Variants in CERKL observed in about 807,000 individuals in gnomAD.
CERKL encodes CERK like autophagy regulator.
CERKL carries 61 observed loss-of-function variants against 63.4 expected under a neutral mutation model. The observed-to-expected ratio is 0.96, with a 90% CI of 0.78 to 1.19. The LOEUF is 1.19. Among genes scored for constraint, CERKL ranks in the 50% most tolerant of loss-of-function variants. The pLI is 0.00. For synonymous variants in CERKL, 250 were observed against 230.5 expected (o/e 1.08, Z -0.77); for missense variants, 675 against 655.5 (o/e 1.03, Z -0.33).
intron 4 of CERKL, among the ~76,000 whole-genome samples, chr2:181,563,377 C>T (rs1688526430): frequency 6.6e-6 from 1 of 152,088 alleles, no homozygotes; most frequent in Non-Finnish European, 1.5e-5. Context: ...AATAGCATTT[C>T]TTAAACATTA....
chr2:181,642,901 C>G (rs1436933615), intron 1 of CERKL, among the ~76,000 whole-genome samples: 1 of 152,194 alleles, frequency 6.6e-6, no homozygotes, highest in African/African-American at 2.4e-5. Flanking sequence ...TCAACCAATT[C>G]TTTTCCTCCA....
At chr2:181,595,471 T>A (rs563707507) in intron 2 of CERKL, among the ~76,000 whole-genome samples, 91 of 152,314 alleles carry the variant, frequency 6.0e-4, no homozygotes, top group African/African-American at 2.1e-3. Flanking sequence ...CTAGCAGGTG[T>A]ATGAAGTCCT....
At chr2:181,564,241 T>G (rs1688569329) in intron 4 of CERKL, among the ~76,000 whole-genome samples, 1 of 152,180 alleles carries the variant, frequency 6.6e-6, no homozygotes, top group South Asian at 2.1e-4. Flanking sequence ...AAAAGGCCAC[T>G]GACTGATATT....
At chr2:181,611,891 C>A (rs1685983116) in intron 1 of CERKL, among the ~76,000 whole-genome samples, 1 of 152,116 alleles carries the variant, frequency 6.6e-6, no homozygotes. Flanking sequence ...GAAAATATTT[C>A]TGTGATCGAT....
chr2:181,587,974 G>C (rs1313165182), intron 2 of CERKL, among the ~76,000 whole-genome samples: 1 of 152,050 alleles, frequency 6.6e-6, no homozygotes, highest in Non-Finnish European at 1.5e-5. Context: ...AGACCAATTA[G>C]AGAGTTTAAA....
chr2:181,568,448 G>A (rs2105837428), intron 3 of CERKL, among the ~76,000 whole-genome samples: 1 of 152,150 alleles, frequency 6.6e-6, no homozygotes, highest in East Asian at 1.9e-4. Flanking sequence ...CCACTCCATG[G>A]CCAAGGCCAG....
chr2:181,641,346 CATAT>C (rs1299406156), intron 1 of CERKL, among the ~76,000 whole-genome samples: 1 of 11,056 alleles, frequency 9.0e-5, no homozygotes, highest in African/African-American at 2.3e-4. Context: ...TATATATATA[CATAT>C]ATATACACAT....
At position 181,558,399 on chromosome 2, in the gene CERKL, G is replaced by GAGAT. The variant is rs1688298108; in HGVS notation, c.820+163_820+166dup. Among the ~76,000 whole-genome samples the GAGAT allele has an allele frequency of 6.6e-6, 1 of 152,120 alleles. No individual in the cohort carries two copies. Among genetic ancestry groups the GAGAT allele is most frequent in the Admixed American group, 6.6e-5 (1 of 15,262 alleles). ...ATAGATTAGAAAAATAAGGCTCAAA[G>GAGAT]AGATTAAATGACTTGTCAAAAGTCT... is the stretch of plus-strand genomic sequence containing the variant. On this transcript the variant is annotated intron_variant, in intron 5 of 12. Transcript: ENST00000410087. This position sits in a 1 kb window ranked among gnomAD's most constrained non-coding sequence, Gnocchi z 4.2.
At chr2:181,606,772 C>T (rs1685736551) in intron 1 of CERKL, among the ~76,000 whole-genome samples, 1 of 152,038 alleles carries the variant, frequency 6.6e-6, no homozygotes, top group Admixed American at 6.5e-5. Context: ...GCTCTTTTTC[C>T]TTCAGGTATC....
At chr2:181,615,738 C>T (rs1686163584) in intron 1 of CERKL, among the ~76,000 whole-genome samples, 1 of 152,204 alleles carries the variant, frequency 6.6e-6, no homozygotes, top group Admixed American at 6.5e-5. Context: ...AATTTAAACA[C>T]ACTTTAATTG....
At chr2:181,648,644 T>C (rs1204228368) in intron 1 of CERKL, among the ~76,000 whole-genome samples, 1 of 152,186 alleles carries the variant, frequency 6.6e-6, no homozygotes, top group Admixed American at 6.5e-5. Flanking sequence ...CAACTCAGAA[T>C]TCCCCAGTGA....
At chr2:181,635,001 C>T (rs191449006) in intron 1 of CERKL, among the ~76,000 whole-genome samples, 104 of 152,190 alleles carry the variant, frequency 6.8e-4, no homozygotes, top group Non-Finnish European at 1.3e-3. Context: ...AAAGTAAAGG[C>T]CAAAAGGCAT....
chr2:181,601,560 T>C (rs3856406), intron 2 of CERKL, among the ~76,000 whole-genome samples: 30,538 of 152,078 alleles, frequency 0.2, 5,233 homozygotes, highest in African/African-American at 0.47. Flanking sequence ...AGACTCCATT[T>C]AAAAATAAAA....
At chr2:181,564,352 A>G (rs1369623957) in intron 4 of CERKL, among the ~76,000 whole-genome samples, 1 of 152,166 alleles carries the variant, frequency 6.6e-6, no homozygotes, top group Non-Finnish European at 1.5e-5. Flanking sequence ...TCTGAAATAA[A>G]TCAGCATGCC....
intron 2 of CERKL, among the ~76,000 whole-genome samples, chr2:181,582,483 ATATTT>A (rs1289238260): frequency 6.6e-6 from 1 of 151,406 alleles, no homozygotes; most frequent in Non-Finnish European, 1.5e-5. Flanking sequence ...AATAGCTAGA[ATATTT>A]TATTTTATTC....
chr2:181,569,303 T>G (rs543786864), intron 3 of CERKL, among the ~76,000 whole-genome samples: 120 of 152,290 alleles, frequency 7.9e-4, no homozygotes, highest in African/African-American at 2.8e-3. Context: ...TTTTCAGATT[T>G]TGTATTAAAA....
intron 3 of CERKL, among the ~76,000 whole-genome samples, chr2:181,569,054 C>G (rs1195687882): frequency 6.6e-6 from 1 of 152,124 alleles, no homozygotes; most frequent in Non-Finnish European, 1.5e-5. Context: ...AAACCTCTCC[C>G]CCACTCTAGC....
chr2:181,548,308 A>C, intron 8 of CERKL: 1 of 546,192 alleles, frequency 1.8e-6, no homozygotes, highest in Non-Finnish European at 3.2e-6. Flanking sequence ...GAAAAAGAGA[A>C]CGGAAGGAGG....
chr2:181,591,476 A>G (rs2105876378), intron 2 of CERKL, among the ~76,000 whole-genome samples: 1 of 152,292 alleles, frequency 6.6e-6, no homozygotes, highest in South Asian at 2.1e-4. Context: ...AGCTAACCCA[A>G]ATAATTTTTG....
Sources: allele counts gnomAD v4.1 joint callset (sites outside exome capture counted in the v4.1 genomes callset), GRCh38; gene constraint gnomAD v4.1.1; non-coding constraint Gnocchi (gnomAD v3.1); transcripts MANE v1.5; gene names NCBI Gene and HGNC (gene_info 2026-07-23, HGNC 2026-07-21).